The following PKP4 variants were observed in gnomAD, a reference collection of about 807,000 sequenced individuals.
PKP4 encodes the protein plakophilin-4.
PKP4 carries 90 observed loss-of-function variants against 145.1 expected under a neutral mutation model. The ratio of observed to expected loss-of-function variants is 0.62; its 90% CI spans 0.52 to 0.74. The LOEUF (loss-of-function observed/expected upper bound fraction) is 0.74, where lower values mean the gene tolerates loss of function less well. Ranked by LOEUF, PKP4 falls within the 30% of genes least tolerant of loss-of-function variation. PKP4 has a pLI of 0.00. For missense variants in PKP4, 1,340 were observed against 1,482.7 expected, an observed-to-expected ratio of 0.90 and a Z score of 1.58; for synonymous variants, 563 against 577.2, an observed-to-expected ratio of 0.98 and a Z score of 0.35.
intron 2 of PKP4, among the ~76,000 whole-genome samples, chr2:158,562,380 A>T (rs1204901893): frequency 6.6e-6 from 1 of 152,242 alleles, no homozygotes; most frequent in Non-Finnish European, 1.5e-5. Flanking sequence ...AAATAATGCC[A>T]ATCACAAAAA....
chr2:158,458,943 AAAAT>A (rs912637688), intron 1 of PKP4, among the ~76,000 whole-genome samples: 4 of 152,174 alleles, frequency 2.6e-5, no homozygotes, highest in Non-Finnish European at 4.4e-5. Context: ...CTGAAAAAAA[AAAAT>A]AAATGCTGCC....
chr2:158,670,989 G>A (rs2106006431), intron 17 of PKP4, among the ~76,000 whole-genome samples: 1 of 152,232 alleles, frequency 6.6e-6, no homozygotes, highest in East Asian at 1.9e-4. Context: ...CAGTAGCATG[G>A]CAGCCCTCTC....
intron 2 of PKP4, 82 bp downstream of exon 2, chr2:158,533,398 G>A: frequency 1.3e-6 from 2 of 1,505,430 alleles, no homozygotes; most frequent in Non-Finnish European, 1.8e-6. Context: ...TTTTAAATTT[G>A]TGTAACGTCC....
At chr2:158,544,497 G>T (rs78501515) in intron 2 of PKP4, among the ~76,000 whole-genome samples, 1 of 151,838 alleles carries the variant, frequency 6.6e-6, no homozygotes, top group South Asian at 2.1e-4. Context: ...TTTCCCCACC[G>T]TAAGTATTCT....
chr2:158,473,175 T>C (rs1448996644), intron 1 of PKP4, among the ~76,000 whole-genome samples: 1 of 152,204 alleles, frequency 6.6e-6, no homozygotes, highest in Non-Finnish European at 1.5e-5. Context: ...CTGGTGAGGT[T>C]GCAGAAAAAA....
At chr2:158,678,536 G>A (rs747279718) in intron 20 of PKP4, 45 bp from the exon 21 acceptor site, 1 of 1,361,096 alleles carries the variant, frequency 7.3e-7, no homozygotes, top group East Asian at 2.3e-5. Context: ...TAATGGACCA[G>A]AGTAATAAGC....
At chr2:158,673,809 A>G in intron 18 of PKP4, 48 bp downstream of exon 18, 1 of 1,460,686 alleles carries the variant, frequency 6.8e-7, no homozygotes, top group Non-Finnish European at 9.6e-7. Context: ...ATCAGAGCAC[A>G]CACTCATAAT....
intron 2 of PKP4, among the ~76,000 whole-genome samples, chr2:158,537,408 C>T (rs76733612): frequency 0.029 from 4,404 of 152,216 alleles, 139 homozygotes; most frequent in East Asian, 0.13. Context: ...AAATATCCAC[C>T]AGTGTTATGT....
At chr2:158,517,210 C>A (rs566542332) in intron 1 of PKP4, among the ~76,000 whole-genome samples, 2 of 152,084 alleles carry the variant, frequency 1.3e-5, no homozygotes, top group East Asian at 1.9e-4. Context: ...GTTTACCATA[C>A]CCTAATTACA....
intron 11 of PKP4, among the ~76,000 whole-genome samples, chr2:158,650,317 G>T (rs2055240469): frequency 6.6e-6 from 1 of 152,198 alleles, no homozygotes; most frequent in Admixed American, 6.5e-5. Flanking sequence ...ACATAGAACT[G>T]TATAACTACA....
intron 7 of PKP4, among the ~76,000 whole-genome samples, chr2:158,630,432 C>T (rs1425723997): frequency 6.6e-6 from 1 of 152,000 alleles, no homozygotes; most frequent in Admixed American, 6.6e-5. Context: ...CTTATAAAAA[C>T]AGTTTTTGGG....
At chr2:158,460,189 A>C (rs1689557529) in intron 1 of PKP4, among the ~76,000 whole-genome samples, 1 of 152,222 alleles carries the variant, frequency 6.6e-6, no homozygotes, top group African/African-American at 2.4e-5. Flanking sequence ...ATTCAGCCAG[A>C]AAGTAAAATT....
At chr2:158,670,590 T>C (rs1327055449) in intron 17 of PKP4, among the ~76,000 whole-genome samples, 1 of 152,204 alleles carries the variant, frequency 6.6e-6, no homozygotes, top group African/African-American at 2.4e-5. Context: ...GAGAAAAATC[T>C]AGGGGGCACC....
At chr2:158,481,942 G>A (rs1240787867) in intron 1 of PKP4, among the ~76,000 whole-genome samples, 1 of 152,144 alleles carries the variant, frequency 6.6e-6, no homozygotes, top group African/African-American at 2.4e-5. Flanking sequence ...TTTAGTGTCT[G>A]ATTTTAAAAA....
In PKP4 at chr2:158,590,050, T is replaced by C. The variant is rs375418563; in HGVS notation, c.245+12667T>C. ...CTTTATATTGTCTGAATTGTTATTATAGTTATCTTCCCTGAGGCTTCACAA... is the reference window on the plus strand; with the variant it reads ...CTTTATATTGTCTGAATTGTTATTACAGTTATCTTCCCTGAGGCTTCACAA... On this transcript the variant is annotated intron_variant, in intron 3 of 21. Transcript: ENST00000389759. Among the ~76,000 whole-genome samples the C allele has an allele frequency of 1.5e-4, 23 of 152,280 alleles. 2 individuals carry two copies. The highest frequency in any genetic ancestry group is 1.2e-3 in the South Asian group (6 of 4,826).
chr2:158,680,395 C>T (rs1310346763), intron 21 of PKP4, 34 bp from the exon 22 acceptor site: 2 of 1,530,826 alleles, frequency 1.3e-6, no homozygotes, highest in Non-Finnish European at 8.8e-7. Context: ...TAAAAAATTG[C>T]TTTTATTTAT....
intron 11 of PKP4, among the ~76,000 whole-genome samples, chr2:158,649,609 A>G (rs1256963377): frequency 6.6e-6 from 1 of 152,214 alleles, no homozygotes; most frequent in Non-Finnish European, 1.5e-5. Flanking sequence ...GAAAAGATTC[A>G]ACCCTCTAAG....
intron 1 of PKP4, among the ~76,000 whole-genome samples, chr2:158,501,647 C>CCCA (rs1193134608): frequency 7.4e-6 from 1 of 135,228 alleles, no homozygotes; most frequent in Non-Finnish European, 1.7e-5. Context: ...CCTGCCATGC[C>CCCA]ATCTGATGTT....
At chr2:158,526,191 T>C (rs1314749184) in intron 1 of PKP4, among the ~76,000 whole-genome samples, 1 of 121,988 alleles carries the variant, frequency 8.2e-6, no homozygotes, top group Non-Finnish European at 1.7e-5. Flanking sequence ...AAAAAGAGAA[T>C]TTTAGACCAA....
Sources: gnomAD v4.1 joint callset for allele counts (sites outside exome capture counted in the v4.1 genomes callset) on GRCh38, gnomAD v4.1.1 for gene constraint, MANE v1.5 for transcripts, NCBI Gene and HGNC (gene_info 2026-07-23, HGNC 2026-07-21) for gene names.